BEST2: variants seen among roughly 807,000 people sequenced by gnomAD.
BEST2 encodes the protein bestrophin-2a.
Under a neutral mutation model 49.0 loss-of-function variants are expected in BEST2, and 36 were observed. The observed-to-expected ratio is 0.73, with a 90% confidence interval of 0.56 to 0.97. BEST2 has a LOEUF of 0.97. Among genes scored for constraint, BEST2 ranks in the 50% least tolerant of loss-of-function variants. The probability of loss-of-function intolerance (pLI) is 0.00; values close to 1 mark genes in which losing one functional copy is unlikely to be tolerated. For missense variants in BEST2, 672 were observed against 710.0 expected (o/e 0.95, Z 0.61); for synonymous variants, 335 against 304.4 (o/e 1.10, Z -1.05).
At chr19:12,754,423 G>C in intron 3 of BEST2, 129 bp from the exon 4 acceptor site, 1 of 757,340 alleles carries the variant, frequency 1.3e-6, no homozygotes, top group South Asian at 2.0e-5. Flanking sequence ...GCCCAAACGT[G>C]GTCAGGTTGG....
chr19:12,756,341 C>G (rs1400888559), intron 9 of BEST2, 46 bp downstream of exon 9: 1 of 1,598,970 alleles, frequency 6.3e-7, no homozygotes, highest in Admixed American at 1.7e-5. Context: ...GGGCTTATGG[C>G]TCTGCGGGGC....
rs773552289 is a variant in BEST2, at chr19:12,754,649, C to T, written c.345C>T (p.His115=). ...TGTGCGTGGTGGCGGGCACCGTGCA[C>T]GGACGCGACGACCGCGGCCGCCTCT... The part of the protein sequence containing the change: ...ALMCVVAGTV[H]GRDDRGRLYR... The change falls in exon 4 of 10, where the codon CAC becomes CAT. Residue 115 remains histidine, a synonymous_variant. Transcript: ENST00000553030. 6 of 1,560,162 alleles carry T rather than the reference C, an allele frequency of 3.8e-6. No homozygotes were observed. Among genetic ancestry groups the T allele is most frequent in the Non-Finnish European group, 4.3e-6 (5 of 1,151,694 alleles).
rs1967896231 is a variant in BEST2 at position 12,753,399 on chromosome 19, C to T, written c.247+45C>T. 2.5e-6 allele frequency: 4 copies of T among 1,576,218 alleles called. No individual in the cohort carries two copies. The South Asian group carries it at 4.4e-5, about 17-fold the overall frequency. ...CCCCCGTTCCCATGTCCCTGAGAAACCCATATCCATTCATGCCTTTTGAGG... is the reference window on the plus strand; with the variant it reads ...CCCCCGTTCCCATGTCCCTGAGAAATCCATATCCATTCATGCCTTTTGAGG... On this transcript the variant is annotated intron_variant, in intron 3 of 9. Transcript: ENST00000553030.
At position 12,755,961 on chromosome 19, in the gene BEST2, T is replaced by C. The variant is rs1285103390; in HGVS notation, c.948+26T>C. ...GTGAGACTCAGTTTCCAGGTGAGAC[T>C]TCCAGGTGGCGACCATCCCGGAGTG... On this transcript the variant is annotated intron_variant, in intron 8 of 9. Transcript: ENST00000553030. The surrounding 1 kb of genome is among the most constrained non-coding windows in gnomAD (Gnocchi z 4.4). 1 of 1,610,834 alleles carries C rather than the reference T, an allele frequency of 6.2e-7. No individual in the cohort carries two copies. Among genetic ancestry groups the C allele is most frequent in the Non-Finnish European group, 8.5e-7 (1 of 1,177,096 alleles).
chr19:12,756,516 G>A (rs535499059), intron 9 of BEST2: 123 of 626,780 alleles, frequency 2.0e-4, no homozygotes, highest in East Asian at 9.4e-4. Context: ...TGAGGTCAGC[G>A]AGGATCAGAC....
At position 12,754,805 on chromosome 19, in the gene BEST2, C is replaced by T. The variant is rs1458223960; in HGVS notation, c.481+20C>T. On this transcript the variant is annotated intron_variant, in intron 4 of 9. Coordinates refer to ENST00000553030, the MANE Select transcript of BEST2 (RefSeq NM_017682.3). Reference sequence around the variant, plus strand: ...AGGCTGGTGAGTACTCGGCCAGAGGCAGGGCAGAGACCGGGCAAGGACCAG... The same window carrying T: ...AGGCTGGTGAGTACTCGGCCAGAGGTAGGGCAGAGACCGGGCAAGGACCAG... 1.3e-6 allele frequency: 2 copies of T among 1,578,816 alleles called. No individual in the cohort carries two copies. The highest frequency in any genetic ancestry group is 8.6e-7 in the Non-Finnish European group (1 of 1,161,940).
At chr19:12,753,450 T>G in intron 3 of BEST2, 96 bp downstream of exon 3, 1 of 1,133,674 alleles carries the variant, frequency 8.8e-7, no homozygotes, top group Non-Finnish European at 1.3e-6. Flanking sequence ...CCCTCTGAGA[T>G]CCCCCCCCTC....
intron 2 of BEST2, 32 bp downstream of exon 2, chr19:12,752,776 C>T (rs373298957): frequency 2.1e-4 from 332 of 1,571,758 alleles, no homozygotes; most frequent in Non-Finnish European, 2.6e-4. Context: ...CATGTTCTAG[C>T]GGAGGGGGGG....
In BEST2 at chr19:12,758,376, G is replaced by A. The variant is rs1967972358; in HGVS notation, c.*299G>A. The A allele has an allele frequency of 2.1e-6, 1 of 482,968 alleles. No individual in the cohort carries two copies. Among genetic ancestry groups the A allele is most frequent in the Admixed American group, 4.0e-5 (1 of 25,122 alleles). 29.9% of individuals were successfully genotyped at this position (482,968 alleles called of 1,614,324 possible). A position where few individuals can be genotyped will look rare whatever the true frequency, so the allele number is the denominator to read the frequency against. On this transcript the variant is annotated 3_prime_UTR_variant, in exon 10 of 10. Transcript: ENST00000553030. Reference sequence around the variant, plus strand: ...AAGATGTGACTGACTACCTCCTCGAGTTGTCATGAGGATGAAAGAATGGCA... The same window carrying A: ...AAGATGTGACTGACTACCTCCTCGAATTGTCATGAGGATGAAAGAATGGCA...
At chr19:12,756,896 C>T (rs1399884636) in intron 9 of BEST2, among the ~76,000 whole-genome samples, 3 of 151,586 alleles carry the variant, frequency 2.0e-5, no homozygotes, top group African/African-American at 7.3e-5. Context: ...GTAATCCCAG[C>T]ACTTTGGGAG....
Position 12,752,613 on chromosome 19 carries a change from C to T in BEST2, c.21C>T (p.Ala7=). MTVTYT[A]RVANARFGGF... is the part of the protein sequence containing the mutation. ...CCACGATGACCGTCACCTACACAGC[C>T]CGAGTGGCGAACGCCCGCTTCGGTG... The change falls in exon 2 of 10, where the codon GCC becomes GCT. Residue 7 remains alanine, a synonymous_variant. Coordinates refer to ENST00000553030, the MANE Select transcript of BEST2 (RefSeq NM_017682.3). 6.2e-7 allele frequency: 1 copy of T among 1,612,106 alleles called. No individual in the cohort carries two copies. The highest frequency in any genetic ancestry group is 1.3e-5 in the African/African-American group (1 of 74,912).
intron 9 of BEST2, 154 bp downstream of exon 9, chr19:12,756,449 C>G: frequency 9.2e-7 from 1 of 1,090,848 alleles, no homozygotes. Flanking sequence ...AGATAGGAGT[C>G]AGGGGACAAG....
rs1967914487 is a variant in BEST2, at chr19:12,754,658, C to T, written c.354C>T (p.Asp118=). 1.9e-6 allele frequency: 3 copies of T among 1,557,538 alleles called. No homozygotes were observed. Among genetic ancestry groups the T allele is most frequent in the South Asian group, 1.2e-5 (1 of 84,958 alleles). ...TGGCGGGCACCGTGCACGGACGCGA[C>T]GACCGCGGCCGCCTCTACCGGCGCA... The part of the protein sequence containing the change: ...CVVAGTVHGR[D]DRGRLYRRTL... Residue 118 remains aspartate, a synonymous_variant, in exon 4 of 10, where the codon GAC becomes GAT. Coordinates refer to ENST00000553030, the MANE Select transcript of BEST2 (RefSeq NM_017682.3).
chr19:12,752,871 T>A, intron 2 of BEST2, 127 bp downstream of exon 2: 1 of 723,832 alleles, frequency 1.4e-6, no homozygotes, highest in African/African-American at 1.9e-5. Context: ...TAAACTGAGA[T>A]GGAGTCTCAC....
In BEST2 at chr19:12,754,897, CG is replaced by C. The variant is rs1568352627; in HGVS notation, c.503del (p.Arg168ProfsTer7). 2 of 1,613,208 alleles carry C rather than the reference CG, an allele frequency of 1.2e-6. No individual in the cohort carries two copies. Among genetic ancestry groups the C allele is most frequent in the Non-Finnish European group, 1.7e-6 (2 of 1,179,616 alleles). On this transcript the variant is annotated frameshift_variant, in exon 5 of 10. Coordinates refer to ENST00000553030, the MANE Select transcript of BEST2 (RefSeq NM_017682.3). LOFTEE classifies it high-confidence loss of function. ...VEAGFMTREE[R>X]KKFENLNSSY... The stretch of plus-strand genomic sequence containing the variant: ...TCCAGGGTTTATGACCCGCGAGGAG[CG>C]CAAGAAGTTTGAAAACCTGAACTCA...
In BEST2 at chr19:12,758,085, G is replaced by A. The variant is rs567409434; in HGVS notation, c.*8G>A. The A allele has an allele frequency of 1.4e-4, 218 of 1,611,906 alleles. No homozygotes were observed. Among genetic ancestry groups the A allele is most frequent in the Non-Finnish European group, 1.7e-4 (205 of 1,179,620 alleles). ...GAGGAGAATCTGGCCTGAGATCTTA[G>A]AGCCCAGCCCCCTAAGGACAGGGAA... On this transcript the variant is annotated 3_prime_UTR_variant, in exon 10 of 10. Coordinates refer to ENST00000553030, the MANE Select transcript of BEST2 (RefSeq NM_017682.3).
Position 12,752,588 on chromosome 19 carries a change from C to T in BEST2, c.-5C>T, listed in dbSNP as rs1967881461. 9 of 1,610,808 alleles carry T rather than the reference C, an allele frequency of 5.6e-6. No homozygotes were observed. The highest frequency in any genetic ancestry group is 7.6e-6 in the Non-Finnish European group (9 of 1,179,372). On this transcript the variant is annotated 5_prime_UTR_variant, in exon 2 of 10. Coordinates refer to ENST00000553030, the MANE Select transcript of BEST2 (RefSeq NM_017682.3). Reference sequence around the variant, plus strand: ...CTCCCTTGGCCACACCTGCCGGGTGCCACGATGACCGTCACCTACACAGCC... The same window carrying T: ...CTCCCTTGGCCACACCTGCCGGGTGTCACGATGACCGTCACCTACACAGCC...
At position 12,752,813 on chromosome 19, in the gene BEST2, A is replaced by T. The variant is rs1967887159; in HGVS notation, c.152+69A>T. On this transcript the variant is annotated intron_variant, in intron 2 of 9. Coordinates refer to ENST00000553030, the MANE Select transcript of BEST2 (RefSeq NM_017682.3). ...AGCTATTATATATATATAATATATAAAAATTATAAAAATATAGAGATATAT... is the reference window on the plus strand; with the variant it reads ...AGCTATTATATATATATAATATATATAAATTATAAAAATATAGAGATATAT... 6 of 1,034,770 alleles carry T rather than the reference A, an allele frequency of 5.8e-6. No homozygotes were observed. The Admixed American group carries it at 2.7e-4, about 47-fold the overall frequency. 64.1% of individuals were successfully genotyped at this position (1,034,770 alleles called of 1,614,324 possible). A position where few individuals can be genotyped will look rare whatever the true frequency, so the allele number is the denominator to read the frequency against.
Position 12,757,813 on chromosome 19 carries a change from C to T in BEST2, c.1266C>T (p.Ser422=). The change falls in exon 10 of 10, where the codon AGC becomes AGT. Residue 422 remains serine (S), a synonymous_variant. Transcript: ENST00000553030. The part of the protein sequence containing the change: ...RRLSFLLRKN[S]CVSEASTGAS... ...TGTCCTTTCTACTCCGCAAGAACAG[C>T]TGCGTGTCGGAGGCGTCTACTGGGG... is the stretch of plus-strand genomic sequence containing the variant. 6.5e-7 allele frequency: 1 copy of T among 1,549,004 alleles called. No individual in the cohort carries two copies. The highest frequency in any genetic ancestry group is 1.4e-5 in the African/African-American group (1 of 73,126).
Sources: allele counts gnomAD v4.1 joint callset (sites outside exome capture counted in the v4.1 genomes callset), GRCh38; gene constraint gnomAD v4.1.1; non-coding constraint Gnocchi (gnomAD v3.1); transcripts MANE v1.5; gene names NCBI Gene and HGNC (gene_info 2026-07-23, HGNC 2026-07-21).